The following FGF14 variants were observed in gnomAD, a reference collection of about 807,000 sequenced individuals.
FGF14 encodes fibroblast growth factor 14, also known as fibroblast growth factor homologous factor 4.
FGF14 carries 5 observed loss-of-function variants against 25.5 expected under a neutral mutation model. The ratio of observed to expected loss-of-function variants is 0.20; its 90% confidence interval spans 0.10 to 0.41. The LOEUF (loss-of-function observed/expected upper bound fraction) is 0.41. FGF14 is among the 10% of genes least tolerant of loss of function. The pLI is 1.00. For synonymous variants in FGF14, 138 were observed against 118.3 expected (o/e 1.17, Z -1.08); for missense variants, 222 against 320.1 (o/e 0.69, Z 2.34).
chr13:102,313,236 C>T (rs368108998), intron 1 of FGF14, among the ~76,000 whole-genome samples: 1 of 152,186 alleles, frequency 6.6e-6, no homozygotes, highest in Non-Finnish European at 1.5e-5. Context: ...CAGGCAATGT[C>T]AAACCCAATC....
intron 1 of FGF14, among the ~76,000 whole-genome samples, chr13:101,898,891 C>T (rs775481348): frequency 1.4e-4 from 21 of 152,110 alleles, no homozygotes; most frequent in Non-Finnish European, 2.6e-4. Flanking sequence ...TGGAGATGAG[C>T]ACTGTGTTGT....
chr13:102,226,963 T>G (rs2050851923), intron 1 of FGF14, among the ~76,000 whole-genome samples: 1 of 152,094 alleles, frequency 6.6e-6, no homozygotes, highest in Non-Finnish European at 1.5e-5. Context: ...GCCGGGAACA[T>G]TAAGATCATA....
At chr13:102,092,662 G>A (rs1446382098) in intron 1 of FGF14, among the ~76,000 whole-genome samples, 1 of 152,120 alleles carries the variant, frequency 6.6e-6, no homozygotes, top group Non-Finnish European at 1.5e-5. Context: ...ATTTTAACAT[G>A]AAAGAAATAA....
chr13:101,941,140 G>A (rs1006813426), intron 1 of FGF14, among the ~76,000 whole-genome samples: 2 of 152,168 alleles, frequency 1.3e-5, no homozygotes, highest in African/African-American at 4.8e-5. Flanking sequence ...GGACCTTACA[G>A]CTCCAAATCT....
intron 1 of FGF14, among the ~76,000 whole-genome samples, chr13:102,280,830 C>T (rs778566038): frequency 2.6e-5 from 4 of 152,044 alleles, no homozygotes; most frequent in African/African-American, 9.7e-5. Flanking sequence ...AACAGGTGCC[C>T]CTGGGAAACA....
In FGF14 at chr13:102,359,853, T is replaced by TAA. The variant is rs34833298; in HGVS notation, c.208+41616_208+41617dup. ...AAATAAACCAAAATCAACTTTATGT[T>TAA]AAAAAAAAAAAAAACAGTCCAAGGG... is the stretch of plus-strand genomic sequence containing the variant. On this transcript the variant is annotated intron_variant, in intron 1 of 4. Transcript: ENST00000376131. 5.1e-3 allele frequency among the ~76,000 whole-genome samples: 722 copies of TAA among 140,862 alleles called. 3 individuals are homozygous for TAA. Among genetic ancestry groups the TAA allele is most frequent in the Middle Eastern group, 0.019 (5 of 260 alleles). The allele number at this position is 140,862 out of a possible 152,430, so 92.4% of individuals were successfully genotyped here. A position where few individuals can be genotyped will look rare whatever the true frequency, so the allele number is the denominator to read the frequency against.
At chr13:102,065,542 G>C (rs367829747) in intron 1 of FGF14, among the ~76,000 whole-genome samples, 2 of 151,908 alleles carry the variant, frequency 1.3e-5, no homozygotes, top group Non-Finnish European at 2.9e-5. Flanking sequence ...ATACAAAAAA[G>C]AGCAAAAAAT....
chr13:101,907,514 A>G (rs2032395347), intron 1 of FGF14, among the ~76,000 whole-genome samples: 1 of 152,154 alleles, frequency 6.6e-6, no homozygotes, highest in African/African-American at 2.4e-5. Flanking sequence ...TGAAAACAGA[A>G]TCTTGAGTTT....
intron 1 of FGF14, among the ~76,000 whole-genome samples, chr13:102,267,505 T>C (rs1455719083): frequency 1.3e-5 from 2 of 152,156 alleles, no homozygotes; most frequent in Admixed American, 1.3e-4. Flanking sequence ...TTGAAGGACA[T>C]ATGAAATGTA....
chr13:101,991,105 C>G (rs1288962508), intron 1 of FGF14, among the ~76,000 whole-genome samples: 1 of 152,012 alleles, frequency 6.6e-6, no homozygotes, highest in Non-Finnish European at 1.5e-5. Flanking sequence ...TAATGAATTT[C>G]TCAAGATTCG....
In FGF14 at chr13:101,711,037, G is replaced by A. The variant is rs2034442033; in HGVS notation, c.*11794C>T. 6.6e-6 allele frequency: 1 copy of A among 152,156 alleles called. No individual in the cohort carries two copies. Among genetic ancestry groups the A allele is most frequent in the African/African-American group, 2.4e-5 (1 of 41,438 alleles). The allele number at this position is 152,156 out of a possible 1,614,324, so 9.4% of individuals were successfully genotyped here. A position where few individuals can be genotyped will look rare whatever the true frequency, so the allele number is the denominator to read the frequency against. On this transcript the variant is annotated 3_prime_UTR_variant, in exon 5 of 5. Coordinates refer to ENST00000376143, the MANE Select transcript of FGF14 (RefSeq NM_004115.4). ...AATGGGCAACTGACAAAGGTGCCTT[G>A]CCCTTAGACTCAAATTGTTTTTGTG...
chr13:102,050,550 C>A (rs1216459862), intron 1 of FGF14, among the ~76,000 whole-genome samples: 4 of 151,796 alleles, frequency 2.6e-5, no homozygotes, highest in Non-Finnish European at 5.9e-5. Context: ...GATTGAGAAA[C>A]AAAATTAATT....
intron 3 of FGF14, among the ~76,000 whole-genome samples, chr13:101,741,613 T>C (rs896125109): frequency 6.7e-6 from 1 of 148,422 alleles, no homozygotes; most frequent in Admixed American, 6.9e-5. Flanking sequence ...AAATAGTTGT[T>C]ATGCTCACAT....
At chr13:102,184,422 C>T (rs2140773175) in intron 1 of FGF14, among the ~76,000 whole-genome samples, 1 of 152,182 alleles carries the variant, frequency 6.6e-6, no homozygotes, top group South Asian at 2.1e-4. Context: ...TGGTCCAGTC[C>T]CTGAATCTAT....
chr13:102,166,619 G>A (rs1426732715), intron 1 of FGF14, among the ~76,000 whole-genome samples: 1 of 152,116 alleles, frequency 6.6e-6, no homozygotes, highest in African/African-American at 2.4e-5. Flanking sequence ...AGCGCTTTCT[G>A]CCATTTCTAA....
chr13:102,287,052 C>T (rs2054136917), intron 1 of FGF14, among the ~76,000 whole-genome samples: 1 of 152,072 alleles, frequency 6.6e-6, no homozygotes, highest in African/African-American at 2.4e-5. Context: ...GGATGCAGCA[C>T]ACCAACATGG....
At chr13:102,191,509 A>C (rs2049122892) in intron 1 of FGF14, among the ~76,000 whole-genome samples, 1 of 152,146 alleles carries the variant, frequency 6.6e-6, no homozygotes, top group African/African-American at 2.4e-5. Flanking sequence ...CACTAATCCC[A>C]TCATGAGTTC....
intron 1 of FGF14, among the ~76,000 whole-genome samples, chr13:102,360,757 A>G: frequency 6.6e-6 from 1 of 152,290 alleles, no homozygotes; most frequent in East Asian, 1.9e-4. Flanking sequence ...AACACTTCTT[A>G]GATGGACTTT....
chr13:102,192,048 G>C (rs2049145782), intron 1 of FGF14, among the ~76,000 whole-genome samples: 1 of 152,110 alleles, frequency 6.6e-6, no homozygotes, highest in Admixed American at 6.6e-5. Context: ...CCTGCCTCCA[G>C]GCTTTTACAC....
Sources: allele counts gnomAD v4.1 joint callset (sites outside exome capture counted in the v4.1 genomes callset), GRCh38; gene constraint gnomAD v4.1.1; transcripts MANE v1.5; gene names NCBI Gene and HGNC (gene_info 2026-07-23, HGNC 2026-07-21).